Variants in DAPK1 observed in about 807,000 individuals in gnomAD.
The protein encoded by DAPK1 is death associated protein kinase 1.
DAPK1 carries 56 observed loss-of-function variants against 144.9 expected under a neutral mutation model. That is an observed-to-expected ratio of 0.39 (90% confidence interval 0.31 to 0.48). The LOEUF is 0.48. Ranked by LOEUF, DAPK1 falls within the 20% of genes least tolerant of loss-of-function variation. The pLI is 0.95. For missense variants in DAPK1, 1,454 were observed against 1,875.4 expected, an observed-to-expected ratio of 0.78 and a Z score of 4.15; for synonymous variants, 690 against 749.0, an observed-to-expected ratio of 0.92 and a Z score of 1.29.
At chr9:87,705,240 A>ATT (rs200565337) in intron 25 of DAPK1, among the ~76,000 whole-genome samples, 2,120 of 128,662 alleles carry the variant, frequency 0.016, 81 homozygotes, top group African/African-American at 0.053. Context: ...TAATTAATTA[A>ATT]TTTTTTTTTT....
intron 3 of DAPK1, among the ~76,000 whole-genome samples, chr9:87,622,773 T>C (rs1829345578): frequency 6.6e-6 from 1 of 151,890 alleles, no homozygotes; most frequent in Non-Finnish European, 1.5e-5. Flanking sequence ...CAGCCGGGTG[T>C]GGTGGGGCGC....
intron 2 of DAPK1, among the ~76,000 whole-genome samples, chr9:87,523,139 G>A (rs1825364149): frequency 1.3e-5 from 2 of 152,074 alleles, no homozygotes; most frequent in Non-Finnish European, 2.9e-5. Flanking sequence ...ATTCAGTGGC[G>A]TTAAGTCCAT....
chr9:87,590,369 C>CAAA (rs200588801), intron 2 of DAPK1, among the ~76,000 whole-genome samples: 3 of 85,716 alleles, frequency 3.5e-5, no homozygotes, highest in African/African-American at 1.2e-4. Context: ...TCATTGGCCT[C>CAAA]AAAAAAAAAA....
At chr9:87,550,914 G>T (rs1166360273) in intron 2 of DAPK1, among the ~76,000 whole-genome samples, 1 of 152,200 alleles carries the variant, frequency 6.6e-6, no homozygotes, top group Non-Finnish European at 1.5e-5. Context: ...TTCTGTGGAC[G>T]TGTGCTTTTA....
At chr9:87,540,144 A>C (rs1337774634) in intron 2 of DAPK1, among the ~76,000 whole-genome samples, 3 of 147,144 alleles carry the variant, frequency 2.0e-5, no homozygotes, top group Admixed American at 2.0e-4. Flanking sequence ...GTATATTGTT[A>C]TAATTGTTGT....
At chr9:87,610,367 G>A (rs1384191915) in intron 3 of DAPK1, among the ~76,000 whole-genome samples, 2 of 152,166 alleles carry the variant, frequency 1.3e-5, no homozygotes, top group Non-Finnish European at 2.9e-5. Context: ...TCATCACACG[G>A]GCAAGCCACT....
intron 3 of DAPK1, among the ~76,000 whole-genome samples, chr9:87,626,545 C>A (rs1755800974): frequency 6.6e-6 from 1 of 152,192 alleles, no homozygotes; most frequent in Admixed American, 6.5e-5. Context: ...TGCAACCGAG[C>A]ATCACCTTGA....
At chr9:87,570,536 A>C (rs1357002363) in intron 2 of DAPK1, among the ~76,000 whole-genome samples, 5 of 152,198 alleles carry the variant, frequency 3.3e-5, no homozygotes, top group Admixed American at 1.3e-4. Context: ...TGTAAAAAAA[A>C]CCCAAAAAGC....
chr9:87,606,338 T>C (rs1431857652), intron 3 of DAPK1, among the ~76,000 whole-genome samples: 1 of 152,162 alleles, frequency 6.6e-6, no homozygotes, highest in East Asian at 1.9e-4. Context: ...TTCTTAACCA[T>C]AAAATGGGGT....
In DAPK1 at chr9:87,706,703, T is replaced by G; in HGVS notation, c.3632T>G (p.Leu1211Arg). The G allele has an allele frequency of 6.2e-7, 1 of 1,612,672 alleles. No individual in the cohort carries two copies. Among genetic ancestry groups the G allele is most frequent in the Non-Finnish European group, 8.5e-7 (1 of 1,179,362 alleles). Residue 1211 changes from leucine (L) to arginine (R), a missense_variant, in exon 26 of 26, where the codon CTG becomes CGG. Around this residue, in one of 2 missense-constraint regions of DAPK1, gnomAD observed 1,025 missense variants for 1,237.9 expected, o/e 0.83. Transcript: ENST00000408954. The surrounding 1 kb of genome is among the most constrained non-coding windows in gnomAD (Gnocchi z 9.0). The stretch of plus-strand genomic sequence containing the variant: ...ACGGAGAAGATCAAGTGCTGCCTGC[T>G]GCTGGACTCGGTGTGCAGCACCATT... ...LETEKIKCCL[L>R]LDSVCSTIEN...
chr9:87,679,069 G>T (rs967973265), intron 19 of DAPK1, among the ~76,000 whole-genome samples: 6 of 152,036 alleles, frequency 3.9e-5, no homozygotes, highest in African/African-American at 1.4e-4. Context: ...TGAAGGAATG[G>T]TCCCGCCAGG....
intron 25 of DAPK1, among the ~76,000 whole-genome samples, 195 bp from the exon 26 acceptor site, chr9:87,705,937 C>A (rs936460567): frequency 6.6e-6 from 1 of 151,884 alleles, no homozygotes. Context: ...AATCTCTATT[C>A]TGACATTTTC....
chr9:87,612,757 C>G (rs184874902), intron 3 of DAPK1, among the ~76,000 whole-genome samples: 14 of 152,186 alleles, frequency 9.2e-5, no homozygotes, highest in Non-Finnish European at 1.9e-4. Flanking sequence ...ACATCTCACT[C>G]CCTGCAGATA....
intron 2 of DAPK1, chr9:87,525,320 T>C: frequency 6.2e-7 from 1 of 1,609,572 alleles, no homozygotes; most frequent in Non-Finnish European, 8.5e-7. Flanking sequence ...CCAGCAGCTG[T>C]ACTGGAGCCA....
At chr9:87,569,121 T>A (rs1019473115) in intron 2 of DAPK1, among the ~76,000 whole-genome samples, 6 of 152,218 alleles carry the variant, frequency 3.9e-5, no homozygotes, top group African/African-American at 1.4e-4. Flanking sequence ...GGAATCCCTC[T>A]GAACTTTAAA....
At chr9:87,548,973 G>A (rs1040744371) in intron 2 of DAPK1, among the ~76,000 whole-genome samples, 2 of 104,932 alleles carry the variant, frequency 1.9e-5, no homozygotes, top group African/African-American at 3.7e-5. Flanking sequence ...GGGTACATTT[G>A]CAGGATGTAC....
intron 2 of DAPK1, among the ~76,000 whole-genome samples, chr9:87,592,987 A>G (rs1828189411): frequency 6.6e-6 from 1 of 152,156 alleles, no homozygotes; most frequent in African/African-American, 2.4e-5. Flanking sequence ...ATCATGGGAA[A>G]TGGCTTGGCC....
chr9:87,593,161 C>G (rs1450013443), intron 2 of DAPK1, among the ~76,000 whole-genome samples: 1 of 152,202 alleles, frequency 6.6e-6, no homozygotes, highest in Non-Finnish European at 1.5e-5. Flanking sequence ...CAGGACAGAC[C>G]TGTGAATGGT....
At chr9:87,682,578 T>G (rs951684503) in intron 20 of DAPK1, among the ~76,000 whole-genome samples, 4 of 152,132 alleles carry the variant, frequency 2.6e-5, no homozygotes, top group Admixed American at 2.0e-4. Context: ...TGGCTGAGAT[T>G]TATATTCCCT....
Sources: gnomAD v4.1 joint callset for allele counts (sites outside exome capture counted in the v4.1 genomes callset) on GRCh38, gnomAD v4.1.1 for gene constraint, gnomAD v4.1.1 regional missense constraint, Gnocchi (gnomAD v3.1) non-coding constraint, MANE v1.5 for transcripts, NCBI Gene and HGNC (gene_info 2026-07-23, HGNC 2026-07-21) for gene names.